The following OOSP1 variants were observed in gnomAD, a reference collection of about 807,000 sequenced individuals.
The protein encoded by OOSP1 is oocyte secreted protein 1, also known as putative oocyte-secreted protein 1 homolog.
Under a neutral mutation model 5.7 loss-of-function variants are expected in OOSP1, and 11 were observed. The ratio of observed to expected loss-of-function variants is 1.94; its 90% CI spans 1.22 to 3.20. OOSP1 has a LOEUF of 3.20. OOSP1 is among the 30% of genes most tolerant of loss of function. OOSP1 has a pLI of 0.00. For synonymous variants in OOSP1, 44 were observed against 20.0 expected (o/e 2.20, Z -3.20); for missense variants, 83 against 54.1 (o/e 1.53, Z -1.67).
At chr11:59,942,901 T>G (rs1853845235) in exon 2 of OOSP1, 1 of 702,960 alleles carries the variant, frequency 1.4e-6, no homozygotes, top group East Asian at 2.7e-5. Flanking sequence ...AAACCCACGA[T>G]ATTTTACAAT....
chr11:59,938,929 C>A (rs1291503680), intron 1 of OOSP1, among the ~76,000 whole-genome samples: 1 of 152,142 alleles, frequency 6.6e-6, no homozygotes, highest in Non-Finnish European at 1.5e-5. Flanking sequence ...AAGGCTTAGC[C>A]TTTCTTTACC....
rs1026406122 is a variant in OOSP1, at chr11:59,949,395, A to G, written c.486+1533A>G. Among the ~76,000 whole-genome samples the G allele has an allele frequency of 3.3e-5, 5 of 152,192 alleles. No individual in the cohort carries two copies. The South Asian group carries it at 8.3e-4, about 25-fold the overall frequency. On this transcript the variant is annotated intron_variant, in intron 4 of 4. Coordinates refer to ENST00000646685, the Ensembl canonical transcript of OOSP1. ...TCAGGGAAGGCATCCGTCAAAGGTG[A>G]TGATTGAGGAAAGAGCTCAAGGAAG...
chr11:59,948,606 A>G (rs967536920), intron 4 of OOSP1: 3 of 394,742 alleles, frequency 7.6e-6, no homozygotes, highest in African/African-American at 2.1e-5. Flanking sequence ...ATTTCCATAC[A>G]TATACTTTGC....
At chr11:59,950,036 G>A (rs1047410965) in intron 4 of OOSP1, among the ~76,000 whole-genome samples, 2 of 152,162 alleles carry the variant, frequency 1.3e-5, no homozygotes, top group African/African-American at 4.8e-5. Context: ...AGAGTCAATA[G>A]CACTGAGGAT....
chr11:59,947,721 C>T lies in OOSP1; in HGVS notation c.357-12C>T, dbSNP rs1456227375. 1 of 398,552 alleles carries T rather than the reference C, an allele frequency of 2.5e-6. No homozygotes were observed. Among genetic ancestry groups the T allele is most frequent in the Non-Finnish European group, 4.4e-6 (1 of 225,762 alleles). 24.7% of individuals were successfully genotyped at this position (398,552 alleles called of 1,614,324 possible). Reference sequence around the variant, plus strand: ...CCACTATGTGATATTTTTCTATCTTCTCTTATTTTAGTCAGCATCATCTTT... The same window carrying T: ...CCACTATGTGATATTTTTCTATCTTTTCTTATTTTAGTCAGCATCATCTTT... On this transcript the variant is annotated splice_polypyrimidine_tract_variant and intron_variant, in intron 3 of 4. Coordinates refer to ENST00000646685, the Ensembl canonical transcript of OOSP1.
At chr11:59,952,185 A>C (rs906442577) in intron 4 of OOSP1, among the ~76,000 whole-genome samples, 1 of 152,134 alleles carries the variant, frequency 6.6e-6, no homozygotes, top group Admixed American at 6.5e-5. Context: ...AGAGGCAAAA[A>C]ATAGTATTTT....
chr11:59,940,817 T>A (rs1219337408), intron 1 of OOSP1, among the ~76,000 whole-genome samples: 1 of 152,234 alleles, frequency 6.6e-6, no homozygotes, highest in Non-Finnish European at 1.5e-5. Flanking sequence ...TATGAATAAC[T>A]GGTTTTACAT....
In OOSP1 at chr11:59,943,040, C is replaced by T. The variant is rs1046878261; in HGVS notation, c.258+12C>T. On this transcript the variant is annotated intron_variant, in intron 2 of 4. Transcript: ENST00000646685. ...GTATTGTAACTCAAGTAAGAAATGG[C>T]TATCTTACTTAAAACCCAAGTGTCC... 1 of 702,218 alleles carries T rather than the reference C, an allele frequency of 1.4e-6. No homozygotes were observed. Among genetic ancestry groups the T allele is most frequent in the African/African-American group, 1.7e-5 (1 of 57,200 alleles). 43.5% of individuals were successfully genotyped at this position (702,218 alleles called of 1,614,324 possible).
At chr11:59,949,517 T>C (rs952292656) in intron 4 of OOSP1, among the ~76,000 whole-genome samples, 26 of 151,324 alleles carry the variant, frequency 1.7e-4, no homozygotes, top group African/African-American at 6.3e-4. Context: ...AAAAAAAGAA[T>C]ATGGGAACAG....
intron 4 of OOSP1, among the ~76,000 whole-genome samples, chr11:59,949,224 G>C (rs1853915561): frequency 6.6e-6 from 1 of 152,108 alleles, no homozygotes; most frequent in East Asian, 1.9e-4. Flanking sequence ...CCCTCATGGA[G>C]TTCACACTTT....
chr11:59,938,582 G>A, intron 1 of OOSP1, 52 bp downstream of exon 1: 1 of 457,350 alleles, frequency 2.2e-6, no homozygotes, highest in South Asian at 4.5e-5. Context: ...GCTGAAAGAT[G>A]TGGCTTTGGA....
intron 4 of OOSP1, among the ~76,000 whole-genome samples, chr11:59,949,532 T>A (rs563530385): frequency 4.1e-4 from 62 of 151,306 alleles, no homozygotes; most frequent in Admixed American, 1.4e-3. Context: ...GAACAGCTGA[T>A]GTAAAGTCAC....
At chr11:59,956,993 C>T (rs1853999528) in intron 4 of OOSP1, among the ~76,000 whole-genome samples, 1 of 151,960 alleles carries the variant, frequency 6.6e-6, no homozygotes, top group Non-Finnish European at 1.5e-5. Context: ...TTTGTAATTG[C>T]GAATTGTGCG....
Sources: allele counts gnomAD v4.1 joint callset (sites outside exome capture counted in the v4.1 genomes callset), GRCh38; gene constraint gnomAD v4.1.1; transcripts MANE v1.5; gene names NCBI Gene and HGNC (gene_info 2026-07-23, HGNC 2026-07-21).